MCOLN2: variants seen among roughly 807,000 people sequenced by gnomAD.
The protein encoded by MCOLN2 is mucolipin TRP cation channel 2.
MCOLN2 carries 57 observed loss-of-function variants against 67.5 expected under a neutral mutation model. The observed-to-expected ratio is 0.84, with a 90% CI of 0.68 to 1.05. MCOLN2 has a LOEUF of 1.05. MCOLN2 is among the 50% of genes least tolerant of loss of function. MCOLN2 has a pLI of 0.00. For synonymous variants in MCOLN2, 246 were observed against 233.3 expected (o/e 1.05, Z -0.50); for missense variants, 620 against 678.8 (o/e 0.91, Z 0.96).
rs140247410 is a variant in MCOLN2, at chr1:84,990,538, C to A, written c.77+6258G>T. Among the ~76,000 whole-genome samples, 176 of 152,048 alleles carry A rather than the reference C, an allele frequency of 1.2e-3. 1 individual carries two copies. The highest frequency in any genetic ancestry group is 4.1e-3 in the African/African-American group (170 of 41,466). On this transcript the variant is annotated intron_variant, in intron 1 of 13. Transcript: ENST00000370608. ...ATGTTAATTGCGGCCCTATTCGTACCTTTGCACTGACTTGAAGATGTCTAT... is the reference window on the plus strand; with the variant it reads ...ATGTTAATTGCGGCCCTATTCGTACATTTGCACTGACTTGAAGATGTCTAT...
In MCOLN2 at chr1:84,958,562, A is replaced by T; in HGVS notation, c.378T>A (p.Asp126Glu). ...TAGCAAAAAAGATGCTCTCATAGGC[A>T]TCCTCTTGAGTATATACACTGCAGC... ...DYSCSVYTQE[D>E]AYESIFFAIN... Residue 126 changes from aspartate to glutamate, a missense_variant, in exon 3 of 14, where the codon GAT becomes GAA. By Grantham distance (45) the Asp-to-Glu change is conservative. Transcript: ENST00000370608. 6.2e-7 allele frequency: 1 copy of T among 1,604,894 alleles called. No individual in the cohort carries two copies. Among genetic ancestry groups the T allele is most frequent in the Admixed American group, 1.8e-5 (1 of 56,732 alleles).
intron 2 of MCOLN2, among the ~76,000 whole-genome samples, 193 bp from the exon 3 acceptor site, chr1:84,958,895 T>C (rs901339650): frequency 9.2e-5 from 14 of 152,146 alleles, no homozygotes; most frequent in African/African-American, 3.1e-4. Flanking sequence ...ACATCAGCAA[T>C]TCAAAGTAGC....
At chr1:84,969,496 G>A (rs1364452397) in intron 1 of MCOLN2, among the ~76,000 whole-genome samples, 1 of 151,738 alleles carries the variant, frequency 6.6e-6, no homozygotes, top group Admixed American at 6.6e-5. Context: ...GTTTGAACCT[G>A]GGAGGCAGAG....
intron 8 of MCOLN2, 146 bp downstream of exon 8, chr1:84,940,733 G>T: frequency 1.7e-6 from 1 of 586,934 alleles, no homozygotes; most frequent in Admixed American, 3.3e-5. Context: ...GCTGATGAAT[G>T]CCTCATAGCG....
At chr1:84,971,712 C>G (rs1240037447) in intron 1 of MCOLN2, among the ~76,000 whole-genome samples, 1 of 152,074 alleles carries the variant, frequency 6.6e-6, no homozygotes, top group Non-Finnish European at 1.5e-5. Context: ...TGCTGAACAC[C>G]TGGCTGGGGG....
intron 1 of MCOLN2, among the ~76,000 whole-genome samples, chr1:84,987,499 C>CCTAT (rs367546536): frequency 1.3e-4 from 5 of 39,122 alleles, no homozygotes; most frequent in East Asian, 6.5e-4. Flanking sequence ...CATATGTATA[C>CCTAT]ATAGATGTAT....
At chr1:84,961,602 T>C (rs1649091478) in intron 2 of MCOLN2, among the ~76,000 whole-genome samples, 1 of 152,168 alleles carries the variant, frequency 6.6e-6, no homozygotes, top group Non-Finnish European at 1.5e-5. Flanking sequence ...GTCCCTTTCT[T>C]GTTATGACAG....
At chr1:84,951,662 G>A (rs1389970588) in intron 6 of MCOLN2, among the ~76,000 whole-genome samples, 1 of 152,210 alleles carries the variant, frequency 6.6e-6, no homozygotes, top group Non-Finnish European at 1.5e-5. Context: ...TGTATTAGGA[G>A]AGTAGAAAGT....
At chr1:84,949,068 T>C (rs1452538740) in intron 6 of MCOLN2, among the ~76,000 whole-genome samples, 3 of 152,168 alleles carry the variant, frequency 2.0e-5, no homozygotes, top group African/African-American at 4.8e-5. Flanking sequence ...AGGCGGAGGC[T>C]GCACTGAGCT....
chr1:84,928,061 G>T (rs1222916110), intron 13 of MCOLN2, among the ~76,000 whole-genome samples: 1 of 152,134 alleles, frequency 6.6e-6, no homozygotes, highest in Non-Finnish European at 1.5e-5. Flanking sequence ...GTCCATGCAA[G>T]CCCCCTGGGA....
At chr1:84,929,899 A>T in intron 12 of MCOLN2, 1 of 350,298 alleles carries the variant, frequency 2.9e-6, no homozygotes, top group Non-Finnish European at 5.2e-6. Flanking sequence ...AACTTCAGAA[A>T]GAAAGCAGAG....
At chr1:84,993,967 C>T (rs1366448831) in intron 1 of MCOLN2, among the ~76,000 whole-genome samples, 2 of 152,168 alleles carry the variant, frequency 1.3e-5, no homozygotes, top group African/African-American at 4.8e-5. Context: ...ACTCCTTGAT[C>T]CATGGGCTGC....
chr1:84,937,936 A>T, intron 10 of MCOLN2, 45 bp downstream of exon 10: 2 of 1,613,442 alleles, frequency 1.2e-6, no homozygotes, highest in Non-Finnish European at 1.7e-6. Flanking sequence ...CCAAAGAATA[A>T]ATGAGTCTCA....
intron 12 of MCOLN2, 68 bp downstream of exon 12, chr1:84,931,293 TG>T: frequency 1.0e-6 from 1 of 964,260 alleles, no homozygotes; most frequent in Non-Finnish European, 1.6e-6. Flanking sequence ...TTTTAAAATG[TG>T]GTATTTTCCT....
In MCOLN2 at chr1:84,952,456, C is replaced by A; in HGVS notation, c.640G>T (p.Glu214Ter). The A allele has an allele frequency of 6.2e-7, 1 of 1,612,034 alleles. No homozygotes were observed. The highest frequency in any genetic ancestry group is 8.5e-7 in the Non-Finnish European group (1 of 1,178,142). Residue 214 changes from glutamate to a stop codon, truncating the protein, a stop_gained, in exon 5 of 14, where the codon GAA becomes TAA. Coordinates refer to ENST00000370608, the MANE Select transcript of MCOLN2 (RefSeq NM_153259.4). LOFTEE classifies it high-confidence loss of function. ...TTAAAATGTATTTACCGATAAAATT[C>A]CAGTCTGAAGAATGATGAGTTCTTC... ...DWKNSSFFRLEFYRLLQVEIS... is the reference protein window; with the variant it reads ...DWKNSSFFRL
chr1:84,990,725 C>A (rs1650849602), intron 1 of MCOLN2, among the ~76,000 whole-genome samples: 1 of 151,400 alleles, frequency 6.6e-6, no homozygotes, highest in African/African-American at 2.4e-5. Context: ...TGAGACCAGT[C>A]TGAGCAACAT....
At position 84,926,632 on chromosome 1, in the gene MCOLN2, C is replaced by A; in HGVS notation, c.*53G>T. The A allele has an allele frequency of 7.0e-7, 1 of 1,425,214 alleles. No homozygotes were observed. The highest frequency in any genetic ancestry group is 9.6e-7 in the Non-Finnish European group (1 of 1,042,552). The allele number at this position is 1,425,214 out of a possible 1,614,324, so 88.3% of individuals were successfully genotyped here. ...CTTGTCCAAGTCATTTGGGGTTCCTCTGCTCAGCCGCTGGATAAGGATGCC... is the reference window on the plus strand; with the variant it reads ...CTTGTCCAAGTCATTTGGGGTTCCTATGCTCAGCCGCTGGATAAGGATGCC... On this transcript the variant is annotated 3_prime_UTR_variant, in exon 14 of 14. Transcript: ENST00000370608.
At chr1:84,930,138 C>G (rs1216893958) in intron 12 of MCOLN2, among the ~76,000 whole-genome samples, 6 of 151,986 alleles carry the variant, frequency 3.9e-5, no homozygotes. Context: ...TGGTGTGCAC[C>G]TGTAGTCCCA....
At chr1:84,953,518 C>T (rs1020177738) in intron 4 of MCOLN2, among the ~76,000 whole-genome samples, 1 of 149,536 alleles carries the variant, frequency 6.7e-6, no homozygotes, top group African/African-American at 2.5e-5. Context: ...CCACTGCACT[C>T]CAGCCTGGGC....
Sources: allele counts gnomAD v4.1 joint callset (sites outside exome capture counted in the v4.1 genomes callset), GRCh38; gene constraint gnomAD v4.1.1; transcripts MANE v1.5; gene names NCBI Gene and HGNC (gene_info 2026-07-23, HGNC 2026-07-21).